The following NELL1 variants were observed in gnomAD, a reference collection of about 807,000 sequenced individuals.
NELL1 encodes the protein protein kinase C-binding protein NELL1.
NELL1 carries 76 observed loss-of-function variants against 107.4 expected under a neutral mutation model. The ratio of observed to expected loss-of-function variants is 0.71; its 90% CI spans 0.59 to 0.86. The LOEUF (loss-of-function observed/expected upper bound fraction) is 0.86, where lower values mean the gene tolerates loss of function less well. NELL1 is among the 40% of genes least tolerant of loss of function. The probability of loss-of-function intolerance (pLI) is 0.00; values close to 1 mark genes in which losing one functional copy is unlikely to be tolerated. For missense variants in NELL1, 1,024 were observed against 1,005.5 expected (o/e 1.02, Z -0.25); for synonymous variants, 353 against 341.2 (o/e 1.03, Z -0.38).
intron 2 of NELL1, among the ~76,000 whole-genome samples, chr11:20,727,815 G>A (rs1163753741): frequency 6.6e-6 from 1 of 152,066 alleles, no homozygotes; most frequent in Non-Finnish European, 1.5e-5. Flanking sequence ...TTCTACATAT[G>A]GCTAGCCAGT....
chr11:21,399,872 A>C (rs148471314), intron 15 of NELL1, among the ~76,000 whole-genome samples: 21 of 151,924 alleles, frequency 1.4e-4, no homozygotes, highest in Admixed American at 9.2e-4. Context: ...ATGGAAGTTG[A>C]TAAGAACGCT....
rs1356223020 is a variant in NELL1 at position 21,196,889 on chromosome 11, T to C, written c.1427-32443T>C. On this transcript the variant is annotated intron_variant, in intron 13 of 19. Transcript: ENST00000357134. ...TTTTTCTTTCTTTTCTTTTCTTTTT[T>C]TTTTTTTTTTCTCACTCTGTTGCCC... 2.7e-5 allele frequency among the ~76,000 whole-genome samples: 4 copies of C among 150,932 alleles called. No individual in the cohort carries two copies. In the South Asian group the frequency reaches 6.3e-4, roughly 24 times the overall value.
At chr11:20,969,148 A>C (rs1451007765) in intron 12 of NELL1, among the ~76,000 whole-genome samples, 3 of 152,138 alleles carry the variant, frequency 2.0e-5, no homozygotes, top group African/African-American at 7.2e-5. Flanking sequence ...ATAGGATTTG[A>C]CTACTTAACC....
At chr11:21,048,710 C>T (rs571001484) in intron 12 of NELL1, among the ~76,000 whole-genome samples, 15 of 152,302 alleles carry the variant, frequency 9.8e-5, no homozygotes, top group African/African-American at 3.4e-4. Context: ...AACTACCTTA[C>T]GATTCTTAGG....
intron 12 of NELL1, among the ~76,000 whole-genome samples, 193 bp downstream of exon 12, chr11:20,960,753 C>T (rs1030201749): frequency 2.6e-5 from 4 of 152,122 alleles, no homozygotes; most frequent in African/African-American, 9.7e-5. Flanking sequence ...GAAAGCAAGA[C>T]CTTTGAAGGT....
intron 12 of NELL1, among the ~76,000 whole-genome samples, chr11:21,069,961 A>T (rs1853970947): frequency 6.6e-6 from 1 of 152,226 alleles, no homozygotes; most frequent in Admixed American, 6.5e-5. Context: ...CCTTACTTTC[A>T]TTCCTTCCCT....
At chr11:20,827,111 G>A (rs1857901326) in intron 3 of NELL1, among the ~76,000 whole-genome samples, 1 of 150,648 alleles carries the variant, frequency 6.6e-6, no homozygotes, top group Non-Finnish European at 1.5e-5. Context: ...TATCTGAGTC[G>A]AAATATTTTC....
At chr11:21,229,204 G>A (rs564579678) in intron 13 of NELL1, 128 bp from the exon 14 acceptor site, 22 of 974,876 alleles carry the variant, frequency 2.3e-5, no homozygotes, top group South Asian at 7.8e-5. Context: ...ACTTTTAGGC[G>A]CATAGTAAGG....
At chr11:20,952,691 G>T (rs1170214754) in intron 11 of NELL1, among the ~76,000 whole-genome samples, 1 of 152,194 alleles carries the variant, frequency 6.6e-6, no homozygotes, top group Non-Finnish European at 1.5e-5. Context: ...AACTGTTGGG[G>T]CTGGGAACAG....
At chr11:21,210,369 T>A (rs947846799) in intron 13 of NELL1, among the ~76,000 whole-genome samples, 1 of 152,136 alleles carries the variant, frequency 6.6e-6, no homozygotes, top group Non-Finnish European at 1.5e-5. Context: ...AGGGCTCCAA[T>A]TCCTCCATTT....
At chr11:21,274,182 G>A (rs538939368) in intron 14 of NELL1, among the ~76,000 whole-genome samples, 59 of 152,208 alleles carry the variant, frequency 3.9e-4, no homozygotes, top group African/African-American at 1.3e-3. Context: ...GACACACATA[G>A]GCTCAAAATA....
chr11:20,877,844 C>G (rs367902136), intron 4 of NELL1, among the ~76,000 whole-genome samples: 1 of 152,118 alleles, frequency 6.6e-6, no homozygotes, highest in Non-Finnish European at 1.5e-5. Flanking sequence ...TAATTCTCCC[C>G]GTACAGCTTA....
chr11:21,104,292 A>G (rs546796428), intron 12 of NELL1, among the ~76,000 whole-genome samples: 1 of 152,278 alleles, frequency 6.6e-6, no homozygotes, highest in South Asian at 2.1e-4. Context: ...CATCAGTTTT[A>G]TGGACACCCT....
intron 15 of NELL1, among the ~76,000 whole-genome samples, chr11:21,471,044 C>A (rs2133886120): frequency 6.6e-6 from 1 of 152,150 alleles, no homozygotes; most frequent in East Asian, 1.9e-4. Context: ...ATACTCAATC[C>A]TTTTAAGACC....
intron 12 of NELL1, among the ~76,000 whole-genome samples, chr11:21,000,274 AAAG>A (rs1277457022): frequency 4.1e-4 from 62 of 152,204 alleles, no homozygotes; most frequent in African/African-American, 1.4e-3. Flanking sequence ...ATAAAAAAAA[AAAG>A]AATCTTAATC....
chr11:21,266,645 G>A (rs549365607), intron 14 of NELL1, among the ~76,000 whole-genome samples: 25 of 151,904 alleles, frequency 1.6e-4, no homozygotes, highest in Non-Finnish European at 3.5e-4. Flanking sequence ...TCTTTTGACA[G>A]TTTAAATATT....
intron 14 of NELL1, among the ~76,000 whole-genome samples, chr11:21,304,313 T>G (rs148804385): frequency 6.6e-6 from 1 of 152,174 alleles, no homozygotes; most frequent in East Asian, 1.9e-4. Context: ...GTATATGTAC[T>G]GTAATTATCT....
At chr11:20,908,284 A>G (rs554182102) in intron 5 of NELL1, among the ~76,000 whole-genome samples, 14 of 152,192 alleles carry the variant, frequency 9.2e-5, no homozygotes, top group African/African-American at 2.9e-4. Flanking sequence ...TCACAATAGC[A>G]AAGACATGGA....
chr11:21,477,592 A>G (rs1265267211), intron 15 of NELL1, among the ~76,000 whole-genome samples: 4 of 152,098 alleles, frequency 2.6e-5, no homozygotes, highest in African/African-American at 9.7e-5. Flanking sequence ...GATGGGTACA[A>G]ATAAGCCTAA....
Sources: allele counts gnomAD v4.1 joint callset (sites outside exome capture counted in the v4.1 genomes callset), GRCh38; gene constraint gnomAD v4.1.1; transcripts MANE v1.5; gene names NCBI Gene and HGNC (gene_info 2026-07-23, HGNC 2026-07-21).